The following BORCS5 variants were observed in gnomAD, a reference collection of about 807,000 sequenced individuals.
The protein encoded by BORCS5 is BLOC-1 related complex subunit 5.
Under a neutral mutation model 22.1 loss-of-function variants are expected in BORCS5, and 17 were observed. The observed-to-expected ratio is 0.77, with a 90% CI of 0.53 to 1.15. The LOEUF (loss-of-function observed/expected upper bound fraction) is 1.15. Among genes scored for constraint, BORCS5 ranks in the 50% most tolerant of loss-of-function variants. The pLI is 0.00. For synonymous variants in BORCS5, 117 were observed against 99.8 expected (o/e 1.17, Z -1.03); for missense variants, 247 against 253.2 (o/e 0.98, Z 0.17).
At chr12:12,373,798 A>G (rs182018795) in intron 2 of BORCS5, among the ~76,000 whole-genome samples, 69 of 152,208 alleles carry the variant, frequency 4.5e-4, no homozygotes, top group African/African-American at 1.7e-3. Flanking sequence ...GTAAGTATTC[A>G]CAATAATATC....
chr12:12,432,388 T>G (rs955796141), intron 2 of BORCS5, among the ~76,000 whole-genome samples: 4 of 152,220 alleles, frequency 2.6e-5, no homozygotes, highest in Non-Finnish European at 5.9e-5. Flanking sequence ...AGGGTAGCCC[T>G]TGATAGTTTT....
chr12:12,390,821 G>T (rs1003517777), intron 2 of BORCS5, among the ~76,000 whole-genome samples: 1 of 151,776 alleles, frequency 6.6e-6, no homozygotes, highest in African/African-American at 2.4e-5. Flanking sequence ...AGCAAAAGCA[G>T]TAATAAGTAG....
At chr12:12,459,516 G>A (rs1359843375) in intron 3 of BORCS5, among the ~76,000 whole-genome samples, 2 of 152,038 alleles carry the variant, frequency 1.3e-5, no homozygotes, top group African/African-American at 4.8e-5. Context: ...CACCATGTTG[G>A]TCAGGCTCGT....
chr12:12,384,290 A>T (rs1863835375), intron 2 of BORCS5, among the ~76,000 whole-genome samples: 1 of 150,524 alleles, frequency 6.6e-6, no homozygotes, highest in African/African-American at 2.4e-5. Flanking sequence ...CCTGCTTTTT[A>T]AAATATATAT....
At chr12:12,431,911 C>G (rs1942440830) in intron 2 of BORCS5, among the ~76,000 whole-genome samples, 2 of 151,656 alleles carry the variant, frequency 1.3e-5, no homozygotes, top group Non-Finnish European at 2.9e-5. Context: ...CCAGGCTGGT[C>G]TTGAACTCCT....
intron 1 of BORCS5, 109 bp downstream of exon 1, chr12:12,357,618 C>G (rs936404929): frequency 8.2e-7 from 1 of 1,215,348 alleles, no homozygotes; most frequent in Admixed American, 2.8e-5. Context: ...ACAGAAAAAG[C>G]CTTCACCGTG....
chr12:12,393,518 G>A (rs1941251502), intron 2 of BORCS5, among the ~76,000 whole-genome samples: 1 of 151,654 alleles, frequency 6.6e-6, no homozygotes, highest in African/African-American at 2.4e-5. Flanking sequence ...GCTTTTAAGT[G>A]TTTTTGTTTT....
At position 12,360,945 on chromosome 12, in the gene BORCS5, T is replaced by C. The variant is rs530533170; in HGVS notation, c.59-261T>C. On this transcript the variant is annotated intron_variant, in intron 1 of 3. Coordinates refer to ENST00000314565, the MANE Select transcript of BORCS5 (RefSeq NM_058169.6). ...CATGTTGGCCAGGCTGGTCTTGAAC[T>C]GCTGACCTCAGGTGATCTGCCCACC... Among the ~76,000 whole-genome samples, 83 of 152,274 alleles carry C rather than the reference T, an allele frequency of 5.5e-4. 1 individual carries two copies. The South Asian group carries it at 0.016, about 30-fold the overall frequency.
intron 3 of BORCS5, among the ~76,000 whole-genome samples, chr12:12,450,147 CAGG>C (rs1489905217): frequency 2.0e-5 from 3 of 152,200 alleles, no homozygotes; most frequent in Non-Finnish European, 2.9e-5. Context: ...TCGCTTAGGA[CAGG>C]TGTGGTGGCC....
intron 2 of BORCS5, among the ~76,000 whole-genome samples, chr12:12,402,545 G>A (rs1941503197): frequency 6.6e-6 from 1 of 152,102 alleles, no homozygotes; most frequent in Admixed American, 6.6e-5. Flanking sequence ...CTGAATTGAG[G>A]GTCTTTTGTG....
At position 12,445,814 on chromosome 12, in the gene BORCS5, T is replaced by A. The variant is rs528480115; in HGVS notation, c.360+10029T>A. ...ATGCCCAGCTGACTTTAATTTTTTT[T>A]TTTTTTTTTTGTAGAGACAGGGTCT... On this transcript the variant is annotated intron_variant, in intron 3 of 3. Coordinates refer to ENST00000314565, the MANE Select transcript of BORCS5 (RefSeq NM_058169.6). Among the ~76,000 whole-genome samples the A allele has an allele frequency of 8.3e-4, 125 of 150,256 alleles. 1 individual carries two copies. Among genetic ancestry groups the A allele is most frequent in the Non-Finnish European group, 1.6e-3 (105 of 67,120 alleles).
chr12:12,372,503 A>G (rs1863553612), intron 2 of BORCS5, among the ~76,000 whole-genome samples: 1 of 151,928 alleles, frequency 6.6e-6, no homozygotes, highest in South Asian at 2.1e-4. Context: ...GCACCACCAC[A>G]CCTGGCCTGG....
intron 2 of BORCS5, among the ~76,000 whole-genome samples, chr12:12,379,257 A>G (rs1195267244): frequency 1.3e-5 from 2 of 150,372 alleles, no homozygotes; most frequent in Non-Finnish European, 3.0e-5. Context: ...AGTAGCTGGG[A>G]CTACAGGCAC....
At chr12:12,443,490 G>A (rs1442625280) in intron 3 of BORCS5, among the ~76,000 whole-genome samples, 2 of 152,226 alleles carry the variant, frequency 1.3e-5, no homozygotes, top group Non-Finnish European at 2.9e-5. Context: ...ATCCAGGTGG[G>A]GGAGTGGGCT....
At chr12:12,429,904 C>G (rs1390947052) in intron 2 of BORCS5, among the ~76,000 whole-genome samples, 1 of 152,136 alleles carries the variant, frequency 6.6e-6, no homozygotes, top group African/African-American at 2.4e-5. Context: ...CAGACTGAGA[C>G]AAGGACTCGC....
intron 2 of BORCS5, among the ~76,000 whole-genome samples, chr12:12,421,778 G>A (rs559899390): frequency 6.6e-6 from 1 of 152,136 alleles, no homozygotes. Context: ...GTTTAGTCTT[G>A]GGAGGGGGTA....
Position 12,388,439 on chromosome 12 carries a change from G to A in BORCS5, c.202+27090G>A, listed in dbSNP as rs780004357. On this transcript the variant is annotated intron_variant, in intron 2 of 3. Transcript: ENST00000314565. Reference sequence around the variant, plus strand: ...AATCAACAAAAAGGAACTGCTGGCCGAGGATAGTTAATATTCAAAAGCAAA... The same window carrying A: ...AATCAACAAAAAGGAACTGCTGGCCAAGGATAGTTAATATTCAAAAGCAAA... 4.6e-5 allele frequency among the ~76,000 whole-genome samples: 7 copies of A among 151,324 alleles called. 1 individual carries two copies. Among genetic ancestry groups the A allele is most frequent in the Admixed American group, 1.3e-4 (2 of 15,172 alleles).
intron 2 of BORCS5, among the ~76,000 whole-genome samples, chr12:12,362,675 T>A (rs1279805214): frequency 1.5e-5 from 2 of 137,886 alleles, no homozygotes; most frequent in African/African-American, 5.2e-5. Flanking sequence ...AGTTTTGCTC[T>A]GTCACCCAGG....
At chr12:12,421,221 T>C (rs1942114166) in intron 2 of BORCS5, among the ~76,000 whole-genome samples, 1 of 152,162 alleles carries the variant, frequency 6.6e-6, no homozygotes, top group Non-Finnish European at 1.5e-5. Flanking sequence ...TGAGATACGT[T>C]CCATCAATAC....
Sources: gnomAD v4.1 joint callset for allele counts (sites outside exome capture counted in the v4.1 genomes callset) on GRCh38, gnomAD v4.1.1 for gene constraint, MANE v1.5 for transcripts, NCBI Gene and HGNC (gene_info 2026-07-23, HGNC 2026-07-21) for gene names.